PPARGC1A: variants seen among roughly 807,000 people sequenced by gnomAD.
PPARGC1A encodes the protein PPARG coactivator 1 alpha.
A neutral mutation model predicts 88.7 loss-of-function variants in PPARGC1A; 25 were observed. That is an observed-to-expected ratio of 0.28 (90% CI 0.21 to 0.39). The LOEUF (loss-of-function observed/expected upper bound fraction) is 0.39, where lower values mean the gene tolerates loss of function less well. Among genes scored for constraint, PPARGC1A ranks in the 10% least tolerant of loss-of-function variants. PPARGC1A has a pLI of 1.00. For synonymous variants in PPARGC1A, 363 were observed against 355.6 expected (o/e 1.02, Z -0.24); for missense variants, 880 against 968.7 (o/e 0.91, Z 1.22).
the PPARGC1A span, among the ~76,000 whole-genome samples, chr4:24,374,094 TA>T: frequency 2.0e-5 from 3 of 152,160 alleles, no homozygotes; most frequent in Non-Finnish European, 4.4e-5. Flanking sequence ...TGATCCCAGA[TA>T]TCAGAGTTAA....
chr4:24,389,953 T>C, the PPARGC1A span, among the ~76,000 whole-genome samples: 1 of 152,294 alleles, frequency 6.6e-6, no homozygotes, highest in African/African-American at 2.4e-5. Flanking sequence ...GAAAAACTAG[T>C]TGAGAGTTTG....
chr4:24,270,379 G>GCC, the PPARGC1A span, among the ~76,000 whole-genome samples: 1 of 85,304 alleles, frequency 1.2e-5, no homozygotes, highest in Non-Finnish European at 2.3e-5. Flanking sequence ...TCGGCTCTTG[G>GCC]GTGTTTCTCT....
the PPARGC1A span, among the ~76,000 whole-genome samples, chr4:24,003,312 G>A: frequency 6.6e-6 from 1 of 152,158 alleles, no homozygotes; most frequent in East Asian, 1.9e-4. Flanking sequence ...AAATACCAAG[G>A]AAATCAAAGA....
the PPARGC1A span, among the ~76,000 whole-genome samples, chr4:24,387,938 A>AAGAAAGAAAGAAAGAT: frequency 8.7e-5 from 10 of 115,024 alleles, no homozygotes; most frequent in African/African-American, 3.4e-4. Context: ...AAGAAAGAGA[A>AAGAAAGAAAGAAAGAT]AGAAAGAAAG....
At chr4:24,039,145 C>T in the PPARGC1A span, among the ~76,000 whole-genome samples, 10 of 152,250 alleles carry the variant, frequency 6.6e-5, no homozygotes, top group East Asian at 9.7e-4. Flanking sequence ...TGTGAATCAT[C>T]GACAAATCCC....
At chr4:24,028,491 A>G in the PPARGC1A span, among the ~76,000 whole-genome samples, 1 of 152,180 alleles carries the variant, frequency 6.6e-6, no homozygotes, top group African/African-American at 2.4e-5. Context: ...TCCTAATGTC[A>G]TACAGGTACT....
At chr4:24,364,700 T>A in the PPARGC1A span, among the ~76,000 whole-genome samples, 3 of 152,196 alleles carry the variant, frequency 2.0e-5, no homozygotes, top group African/African-American at 7.2e-5. Context: ...TTTATATATT[T>A]CTGTGTGAAT....
At chr4:24,294,369 C>A in the PPARGC1A span, among the ~76,000 whole-genome samples, 18 of 152,216 alleles carry the variant, frequency 1.2e-4, no homozygotes, top group African/African-American at 4.3e-4. Flanking sequence ...ATTACAGTTC[C>A]TCCGTGGAAG....
the PPARGC1A span, among the ~76,000 whole-genome samples, chr4:23,999,697 G>T: frequency 6.6e-6 from 1 of 152,312 alleles, no homozygotes; most frequent in Admixed American, 6.5e-5. Context: ...AATGGGAATT[G>T]CAGATATCCT....
chr4:24,240,390 T>A, the PPARGC1A span, among the ~76,000 whole-genome samples: 33 of 152,272 alleles, frequency 2.2e-4, no homozygotes, highest in African/African-American at 7.5e-4. Context: ...CCAATAAATA[T>A]CTTGGCAGTC....
chr4:24,337,081 C>T, the PPARGC1A span, among the ~76,000 whole-genome samples: 2 of 152,154 alleles, frequency 1.3e-5, no homozygotes, highest in Non-Finnish European at 2.9e-5. Context: ...CCAAAAAGTT[C>T]GTGCTCTCTC....
the PPARGC1A span, among the ~76,000 whole-genome samples, chr4:24,219,263 C>T: frequency 6.6e-6 from 1 of 152,210 alleles, no homozygotes; most frequent in African/African-American, 2.4e-5. Context: ...GTGGTCACAC[C>T]TGGGCCAGCA....
At chr4:24,144,175 C>T in the PPARGC1A span, among the ~76,000 whole-genome samples, 30 of 152,272 alleles carry the variant, frequency 2.0e-4, no homozygotes, top group East Asian at 4.8e-3. Flanking sequence ...AGTGTCTTCA[C>T]GGTTTAGTCC....
chr4:24,065,142 C>T, the PPARGC1A span, among the ~76,000 whole-genome samples: 1 of 152,152 alleles, frequency 6.6e-6, no homozygotes, highest in Non-Finnish European at 1.5e-5. Context: ...GGAGAAGGGA[C>T]CTACCTGATT....
At chr4:23,844,982 A>T (rs1251650772) in intron 2 of PPARGC1A, among the ~76,000 whole-genome samples, 2 of 150,432 alleles carry the variant, frequency 1.3e-5, no homozygotes, top group Non-Finnish European at 3.0e-5. Context: ...AAAGAGTAAG[A>T]GTAAGGGCCA....
the PPARGC1A span, among the ~76,000 whole-genome samples, chr4:24,443,539 T>C: frequency 6.6e-6 from 1 of 151,866 alleles, no homozygotes; most frequent in East Asian, 1.9e-4. Flanking sequence ...AGAGGGCTTT[T>C]GGTTTTTGTT....
chr4:23,856,651 T>A (rs1339651888), intron 2 of PPARGC1A, among the ~76,000 whole-genome samples: 1 of 152,184 alleles, frequency 6.6e-6, no homozygotes, highest in Admixed American at 6.5e-5. Flanking sequence ...CAACAAATGT[T>A]TCTTGGGTGC....
chr4:24,282,178 G>A, the PPARGC1A span, among the ~76,000 whole-genome samples: 1 of 152,170 alleles, frequency 6.6e-6, no homozygotes, highest in African/African-American at 2.4e-5. Context: ...TAAGCAACTT[G>A]CCCTAGGTCA....
At chr4:24,280,631 A>G in the PPARGC1A span, among the ~76,000 whole-genome samples, 2 of 152,234 alleles carry the variant, frequency 1.3e-5, no homozygotes, top group Admixed American at 6.5e-5. Context: ...GGAAGATAAC[A>G]CACAGCTTTA....
Sources: gnomAD v4.1 joint callset for allele counts (sites outside exome capture counted in the v4.1 genomes callset) on GRCh38, gnomAD v4.1.1 for gene constraint, MANE v1.5 for transcripts, NCBI Gene and HGNC (gene_info 2026-07-23, HGNC 2026-07-21) for gene names.